ZNF484: variants seen among roughly 807,000 people sequenced by gnomAD.
The protein encoded by ZNF484 is KRAB box containing C2H2 type zinc finger bA526D8.4.
A neutral mutation model predicts 12.9 loss-of-function variants in ZNF484; 11 were observed. That is an observed-to-expected ratio of 0.85 (90% CI 0.54 to 1.41). ZNF484 has a LOEUF of 1.41. Ranked by LOEUF, ZNF484 falls within the 40% of genes most tolerant of loss-of-function variation. The pLI, the probability that ZNF484 is intolerant of heterozygous loss-of-function variation, is 0.00. For missense variants in ZNF484, 807 were observed against 1,007.7 expected (o/e 0.80, Z 2.70); for synonymous variants, 289 against 334.1 (o/e 0.86, Z 1.47).
chr9:92,861,969 G>A (rs1856806204), intron 2 of ZNF484, among the ~76,000 whole-genome samples: 1 of 150,790 alleles, frequency 6.6e-6, no homozygotes, highest in African/African-American at 2.4e-5. Context: ...GTAGGGAAAG[G>A]GCAATTTGAA....
At position 92,846,600 on chromosome 9, in the gene ZNF484, G is replaced by T. The variant is rs751380393; in HGVS notation, c.2187C>A (p.Phe729Leu). 1 of 1,613,732 alleles carries T rather than the reference G, an allele frequency of 6.2e-7. No homozygotes were observed. Among genetic ancestry groups the T allele is most frequent in the Non-Finnish European group, 8.5e-7 (1 of 1,179,962 alleles). Residue 729 changes from phenylalanine (F) to leucine (L), a missense_variant, in exon 5 of 5, where the codon TTC (phenylalanine) becomes TTA (leucine). Phe to Leu is a conservative substitution (Grantham distance 22, BLOSUM62 0). Transcript: ENST00000375495. ...GTCTATTTAAGTGTGACTTCTGGAT[G>T]AAGGATTTCCCACATTCATTACAAA... ...PYICNECGKSFIQKSHLNRHR... is the reference protein window; with the variant it reads ...PYICNECGKSLIQKSHLNRHR...
intron 4 of ZNF484, among the ~76,000 whole-genome samples, chr9:92,850,109 G>A (rs891748644): frequency 5.3e-5 from 8 of 152,140 alleles, no homozygotes; most frequent in African/African-American, 1.9e-4. Context: ...CCAAGACCCT[G>A]TCTCTTAAAA....
At chr9:92,874,900 T>C in intron 2 of ZNF484, 115 bp downstream of exon 2, 1 of 1,001,190 alleles carries the variant, frequency 1.0e-6, no homozygotes, top group Middle Eastern at 2.2e-4. Context: ...TATCTGATCT[T>C]AGTTTTTATT....
chr9:92,875,017 G>C lies in ZNF484; in HGVS notation c.13C>G (p.Leu5Val). 1 of 1,613,948 alleles carries C rather than the reference G, an allele frequency of 6.2e-7. No individual in the cohort carries two copies. Among genetic ancestry groups the C allele is most frequent in the South Asian group, 1.1e-5 (1 of 91,018 alleles). Residue 5 changes from leucine (L) to valine (V), a missense_variant and splice_region_variant, in exon 2 of 5, where the codon CTG becomes GTG. Physicochemically the swap from Leu to Val is conservative, Grantham distance 32. Transcript: ENST00000375495. MTKS[L>V]ESVSFKDVTV... is the part of the protein sequence containing the mutation. ...CAGATGAACAAATAAGAACTCACCAGGGACTTGGTCATTTTTGGCTCTTCG... is the reference window on the plus strand; with the variant it reads ...CAGATGAACAAATAAGAACTCACCACGGACTTGGTCATTTTTGGCTCTTCG...
At chr9:92,877,779 G>A in intron 1 of ZNF484, 111 bp downstream of exon 1, 2 of 1,535,334 alleles carry the variant, frequency 1.3e-6, no homozygotes, top group Non-Finnish European at 1.7e-6. Context: ...AGATCGCTCC[G>A]ACTTCCACTA....
chr9:92,862,410 G>T (rs1210142975), intron 2 of ZNF484, among the ~76,000 whole-genome samples: 2 of 151,930 alleles, frequency 1.3e-5, no homozygotes, highest in Non-Finnish European at 2.9e-5. Context: ...ATAGAGAGAA[G>T]AAAATTCTAC....
intron 2 of ZNF484, among the ~76,000 whole-genome samples, chr9:92,865,619 G>A (rs1857022557): frequency 6.6e-6 from 1 of 151,822 alleles, no homozygotes; most frequent in African/African-American, 2.4e-5. Context: ...ACTAAAGTTG[G>A]AGAGGGGCCA....
chr9:92,856,959 C>T (rs570489754), intron 2 of ZNF484, among the ~76,000 whole-genome samples: 2 of 152,110 alleles, frequency 1.3e-5, no homozygotes, highest in Non-Finnish European at 2.9e-5. Context: ...CTCCTGACCT[C>T]GTGATCCGCC....
At chr9:92,864,050 C>T (rs1856929927) in intron 2 of ZNF484, among the ~76,000 whole-genome samples, 1 of 152,020 alleles carries the variant, frequency 6.6e-6, no homozygotes, top group South Asian at 2.1e-4. Flanking sequence ...GGGTTGAATG[C>T]CAAGATGGAT....
At chr9:92,865,714 C>G (rs930501146) in intron 2 of ZNF484, among the ~76,000 whole-genome samples, 1 of 151,994 alleles carries the variant, frequency 6.6e-6, no homozygotes, top group Admixed American at 6.6e-5. Context: ...CAAGACTAGC[C>G]TGCGCAACAT....
chr9:92,860,978 G>C (rs1271393794), intron 2 of ZNF484, among the ~76,000 whole-genome samples: 1 of 152,152 alleles, frequency 6.6e-6, no homozygotes, highest in African/African-American at 2.4e-5. Context: ...GATATAAAAT[G>C]AATCAGAATC....
At position 92,860,603 on chromosome 9, in the gene ZNF484, C is replaced by CAA. The variant is rs66491279; in HGVS notation, c.16-4287_16-4286dup. ...TGGGCGACAGAGCGAGACTCCATCT[C>CAA]AAAAAAAAAAAAAAAACAACAAAAC... On this transcript the variant is annotated intron_variant, in intron 2 of 4. Coordinates refer to ENST00000375495, the MANE Select transcript of ZNF484 (RefSeq NM_031486.4). 3.0e-3 allele frequency among the ~76,000 whole-genome samples: 275 copies of CAA among 91,602 alleles called. 3 individuals carry two copies. Among genetic ancestry groups the CAA allele is most frequent in the African/African-American group, 4.8e-3 (116 of 23,962 alleles). The allele number at this position is 91,602 out of a possible 152,430, so 60.1% of individuals were successfully genotyped here.
chr9:92,871,953 G>A (rs772597047), intron 2 of ZNF484, among the ~76,000 whole-genome samples: 81 of 152,208 alleles, frequency 5.3e-4, no homozygotes, highest in African/African-American at 1.9e-3. Context: ...AGGAGGGCCA[G>A]GCGCGGTGGC....
intron 1 of ZNF484, 83 bp from the exon 2 acceptor site, chr9:92,875,142 C>A: frequency 8.6e-7 from 1 of 1,156,544 alleles, no homozygotes; most frequent in Non-Finnish European, 1.2e-6. Context: ...CATTTAGTGC[C>A]CTTGCACCTT....
In ZNF484 at chr9:92,848,792, C is replaced by T. The variant is rs1043835361; in HGVS notation, c.236-241G>A. 1.3e-5 allele frequency among the ~76,000 whole-genome samples: 2 copies of T among 151,740 alleles called. No individual in the cohort carries two copies. The highest frequency in any genetic ancestry group is 2.9e-5 in the Non-Finnish European group (2 of 67,972). On this transcript the variant is annotated intron_variant, in intron 4 of 4. Coordinates refer to ENST00000375495, the MANE Select transcript of ZNF484 (RefSeq NM_031486.4). The surrounding 1 kb of genome is among the most constrained non-coding windows in gnomAD (Gnocchi z 4.1). ...GCGTGGTGGTACATGCCTGTAATTCCAGCTACTCAAGTGGCTGAGGCAAGA... is the reference window on the plus strand; with the variant it reads ...GCGTGGTGGTACATGCCTGTAATTCTAGCTACTCAAGTGGCTGAGGCAAGA...
At chr9:92,852,371 G>A (rs1856148013) in intron 4 of ZNF484, among the ~76,000 whole-genome samples, 1 of 152,196 alleles carries the variant, frequency 6.6e-6, no homozygotes, top group Admixed American at 6.5e-5. Context: ...TCGGCTCACT[G>A]CAAGCTCCGC....
At chr9:92,855,786 A>C in intron 4 of ZNF484, 25 bp downstream of exon 4, 1 of 1,608,406 alleles carries the variant, frequency 6.2e-7, no homozygotes, top group African/African-American at 1.3e-5. Flanking sequence ...CATACTGTCT[A>C]CCATGCTCTT....
chr9:92,847,818 A>T lies in ZNF484; in HGVS notation c.969T>A (p.Tyr323Ter). The T allele has an allele frequency of 6.2e-7, 1 of 1,614,102 alleles. No homozygotes were observed. Among genetic ancestry groups the T allele is most frequent in the South Asian group, 1.1e-5 (1 of 91,086 alleles). ...SLKSNRQKTP[Y>*]EGNYYKCSDY... ...CACTGCATTTATAGTAATTCCCCTC[A>T]TAAGGAGTTTTCTGACGGTTTGACT... The change falls in exon 5 of 5, where the codon TAT becomes TAA. Residue 323 changes from tyrosine to a stop codon, truncating the protein, a stop_gained. Transcript: ENST00000375495. LOFTEE classifies it low-confidence loss of function (END_TRUNC).
chr9:92,856,753 G>A (rs559246662), intron 2 of ZNF484, among the ~76,000 whole-genome samples: 3 of 152,180 alleles, frequency 2.0e-5, no homozygotes, highest in East Asian at 1.9e-4. Flanking sequence ...ACAGAGTCTC[G>A]CTCAGTCGCC....
Sources: allele counts gnomAD v4.1 joint callset (sites outside exome capture counted in the v4.1 genomes callset), GRCh38; gene constraint gnomAD v4.1.1; non-coding constraint Gnocchi (gnomAD v3.1); transcripts MANE v1.5; gene names NCBI Gene and HGNC (gene_info 2026-07-23, HGNC 2026-07-21).